FDX1: variants seen among roughly 807,000 people sequenced by gnomAD.
FDX1 encodes adrenodoxin, mitochondrial.
A neutral mutation model predicts 14.9 loss-of-function variants in FDX1; 9 were observed. That is an observed-to-expected ratio of 0.60 (90% confidence interval 0.36 to 1.05). The LOEUF is 1.05. Ranked by LOEUF, FDX1 falls within the 50% of genes least tolerant of loss-of-function variation. FDX1 has a pLI of 0.01. For missense variants in FDX1, 204 were observed against 237.2 expected (o/e 0.86, Z 0.92); for synonymous variants, 92 against 99.4 (o/e 0.93, Z 0.44).
chr11:110,434,334 A>ATTTGCCTTT (rs71476086), intron 1 of FDX1, among the ~76,000 whole-genome samples: 3 of 126,378 alleles, frequency 2.4e-5, no homozygotes, highest in East Asian at 4.9e-4. Context: ...CGCCCTATTG[A>ATTTGCCTTT]TTTTTTTTTT....
intron 3 of FDX1, among the ~76,000 whole-genome samples, chr11:110,457,338 A>G (rs1946528967): frequency 6.6e-6 from 1 of 152,218 alleles, no homozygotes; most frequent in Admixed American, 6.5e-5. Flanking sequence ...ATGTATCACA[A>G]CTGAATGGAG....
intron 2 of FDX1, among the ~76,000 whole-genome samples, chr11:110,436,247 T>C (rs183777952): frequency 7.3e-4 from 111 of 152,302 alleles, no homozygotes; most frequent in African/African-American, 2.7e-3. Context: ...AGTTAAAAGA[T>C]ACCAGGTTAG....
At chr11:110,452,602 A>G (rs1203128069) in intron 2 of FDX1, among the ~76,000 whole-genome samples, 1 of 152,206 alleles carries the variant, frequency 6.6e-6, no homozygotes, top group African/African-American at 2.4e-5. Flanking sequence ...GCTTTGGGAA[A>G]AAAATGAGGC....
At chr11:110,432,844 T>G (rs1347446681) in intron 1 of FDX1, among the ~76,000 whole-genome samples, 1 of 152,196 alleles carries the variant, frequency 6.6e-6, no homozygotes. Flanking sequence ...CGTTTCCGCC[T>G]CCTCTCCTCT....
At chr11:110,436,081 G>A (rs1350366267) in intron 2 of FDX1, 123 bp downstream of exon 2, 5 of 773,340 alleles carry the variant, frequency 6.5e-6, no homozygotes, top group Non-Finnish European at 1.1e-5. Context: ...TTAACATTCA[G>A]GATGTGTTAG....
In FDX1 at chr11:110,463,262, GAATT is replaced by G. The variant is rs1946566930; in HGVS notation, c.*795_*798del. 6.6e-6 allele frequency: 1 copy of G among 152,194 alleles called. No individual in the cohort carries two copies. Among genetic ancestry groups the G allele is most frequent in the East Asian group, 1.9e-4 (1 of 5,196 alleles). The allele number at this position is 152,194 out of a possible 1,614,324, so 9.4% of individuals were successfully genotyped here. On this transcript the variant is annotated 3_prime_UTR_variant, in exon 4 of 4. Transcript: ENST00000260270. ...ATAACAGAATGGAAACCTTATGAAT[GAATT>G]GTGTTTCTCTGTCCTGAGCTGGAGA...
intron 2 of FDX1, among the ~76,000 whole-genome samples, chr11:110,450,457 A>G (rs1024416093): frequency 8.5e-5 from 13 of 152,160 alleles, no homozygotes; most frequent in African/African-American, 2.7e-4. Context: ...AATGTGAGCA[A>G]TGGGGAGCAG....
chr11:110,430,194 T>C lies in FDX1; in HGVS notation c.74T>C (p.Leu25Pro), dbSNP rs911774728. Reference sequence around the variant, plus strand: ...CTCGGCGGCCCGGCCGGCCGGTGGCTGCACCACGCTGGGTCCCGCGCTGGA... The same window carrying C: ...CTCGGCGGCCCGGCCGGCCGGTGGCCGCACCACGCTGGGTCCCGCGCTGGA... ...AVLGGPAGRW[L>P]HHAGSRAGSS... The change falls in exon 1 of 4, where the codon CTG becomes CCG. Residue 25 changes from leucine (L) to proline (P), a missense_variant. Leu to Pro is a moderately conservative substitution (Grantham distance 98, BLOSUM62 -3). Coordinates refer to ENST00000260270, the MANE Select transcript of FDX1 (RefSeq NM_004109.5). 6 of 1,227,200 alleles carry C rather than the reference T, an allele frequency of 4.9e-6. No individual in the cohort carries two copies. Among genetic ancestry groups the C allele is most frequent in the African/African-American group, 1.6e-5 (1 of 63,540 alleles). The allele number at this position is 1,227,200 out of a possible 1,614,324, so 76.0% of individuals were successfully genotyped here.
At chr11:110,436,015 TA>T in intron 2 of FDX1, 57 bp downstream of exon 2, 1 of 1,510,994 alleles carries the variant, frequency 6.6e-7, no homozygotes, top group Non-Finnish European at 9.0e-7. Flanking sequence ...TTCAAATTTT[TA>T]TTTTGTGGTT....
At chr11:110,444,685 C>CACGTATATATATATAT (rs1565381855) in intron 2 of FDX1, among the ~76,000 whole-genome samples, 964 of 36,716 alleles carry the variant, frequency 0.026, 49 homozygotes, top group Middle Eastern at 0.043. Flanking sequence ...TATATATATA[C>CACGTATATATATATAT]ACGTATATAT....
At chr11:110,447,144 C>G (rs1946455002) in intron 2 of FDX1, among the ~76,000 whole-genome samples, 1 of 146,282 alleles carries the variant, frequency 6.8e-6, no homozygotes. Flanking sequence ...CCATTGCACT[C>G]CAGCCTGGGT....
chr11:110,457,164 C>T lies in FDX1; in HGVS notation c.440+117C>T, dbSNP rs1407492070. On this transcript the variant is annotated intron_variant, in intron 3 of 3. Transcript: ENST00000260270. ...AATAGTGTTCTACCAGGTTAAATAA[C>T]AGTCACAGATTTTGAGTATCAGATA... 3.5e-6 allele frequency: 3 copies of T among 857,922 alleles called. No individual in the cohort carries two copies. In the African/African-American group the frequency reaches 5.2e-5, roughly 15 times the overall value. The allele number at this position is 857,922 out of a possible 1,614,324, so 53.1% of individuals were successfully genotyped here.
At chr11:110,448,361 A>G (rs1181686516) in intron 2 of FDX1, among the ~76,000 whole-genome samples, 1 of 152,168 alleles carries the variant, frequency 6.6e-6, no homozygotes, top group Non-Finnish European at 1.5e-5. Context: ...TTTACACATA[A>G]TTTCCATTTC....
intron 2 of FDX1, among the ~76,000 whole-genome samples, chr11:110,438,751 G>A (rs1351365184): frequency 6.6e-6 from 1 of 152,064 alleles, no homozygotes; most frequent in Non-Finnish European, 1.5e-5. Flanking sequence ...ACAGGCGTGA[G>A]CCACCATGCC....
chr11:110,452,335 C>T (rs1946491851), intron 2 of FDX1, among the ~76,000 whole-genome samples: 1 of 152,084 alleles, frequency 6.6e-6, no homozygotes, highest in Non-Finnish European at 1.5e-5. Context: ...TTGTAAATCA[C>T]ATATCCAGTG....
chr11:110,445,060 A>C (rs1946441919), intron 2 of FDX1, among the ~76,000 whole-genome samples: 1 of 151,960 alleles, frequency 6.6e-6, no homozygotes. Flanking sequence ...ATAGTGTTGA[A>C]TCTGTAAATT....
chr11:110,448,859 G>A (rs1215259749), intron 2 of FDX1, among the ~76,000 whole-genome samples: 5 of 152,152 alleles, frequency 3.3e-5, no homozygotes, highest in Non-Finnish European at 7.4e-5. Context: ...CAGGCTGTGT[G>A]AGTTGTAAAT....
intron 2 of FDX1, among the ~76,000 whole-genome samples, chr11:110,448,464 A>G (rs1173292736): frequency 1.3e-5 from 2 of 152,218 alleles, no homozygotes; most frequent in African/African-American, 4.8e-5. Flanking sequence ...TCAGCATCGT[A>G]GTAGATAATA....
Position 110,444,706 on chromosome 11 carries a change from GTATATATATATATATACGTATA to G in FDX1, c.310+8766_310+8787del, listed in dbSNP as rs1946434409. On this transcript the variant is annotated intron_variant, in intron 2 of 3. Transcript: ENST00000260270. ...TATACACGTATATATATATATATAC[GTATATATATATATATACGTATA>G]TATATATATATATATACACGTATAT... is the stretch of plus-strand genomic sequence containing the variant. Among the ~76,000 whole-genome samples the G allele has an allele frequency of 3.2e-4, 10 of 30,844 alleles. 1 individual carries two copies. Among genetic ancestry groups the G allele is most frequent in the Non-Finnish European group, 4.3e-4 (8 of 18,742 alleles). The allele number at this position is 30,844 out of a possible 152,430, so 20.2% of individuals were successfully genotyped here. A position where few individuals can be genotyped will look rare whatever the true frequency, so the allele number is the denominator to read the frequency against.
Sources: gnomAD v4.1 joint callset for allele counts (sites outside exome capture counted in the v4.1 genomes callset) on GRCh38, gnomAD v4.1.1 for gene constraint, MANE v1.5 for transcripts, NCBI Gene and HGNC (gene_info 2026-07-23, HGNC 2026-07-21) for gene names.